STAG1: variants seen among roughly 807,000 people sequenced by gnomAD.
The protein encoded by STAG1 is cohesin subunit SA-1.
A neutral mutation model predicts 170.9 loss-of-function variants in STAG1; 26 were observed. That is an observed-to-expected ratio of 0.15 (90% CI 0.11 to 0.21). STAG1 has a LOEUF of 0.21. STAG1 is among the 10% of genes least tolerant of loss of function. The probability of loss-of-function intolerance (pLI) is 1.00; values close to 1 mark genes in which losing one functional copy is unlikely to be tolerated. For synonymous variants in STAG1, 514 were observed against 497.7 expected (o/e 1.03, Z -0.44); for missense variants, 964 against 1,509.5 (o/e 0.64, Z 5.99).
chr3:136,649,755 CA>C (rs754333040), intron 1 of STAG1, among the ~76,000 whole-genome samples: 114 of 130,836 alleles, frequency 8.7e-4, no homozygotes, highest in East Asian at 1.8e-3. Flanking sequence ...GTTTCCGTAG[CA>C]AAAAAAAAAA....
At chr3:136,564,419 T>C (rs763387880) in intron 5 of STAG1, among the ~76,000 whole-genome samples, 3 of 152,222 alleles carry the variant, frequency 2.0e-5, no homozygotes, top group Non-Finnish European at 4.4e-5. Flanking sequence ...GATTTTAAAC[T>C]TGTGCCAATC....
At chr3:136,543,599 C>T (rs994745424) in intron 5 of STAG1, among the ~76,000 whole-genome samples, 4 of 152,098 alleles carry the variant, frequency 2.6e-5, no homozygotes, top group African/African-American at 9.7e-5. Context: ...TAGAGTAAGA[C>T]ATAGTAGGGT....
At chr3:136,520,816 T>C (rs1934633134) in intron 7 of STAG1, among the ~76,000 whole-genome samples, 3 of 152,152 alleles carry the variant, frequency 2.0e-5, no homozygotes, top group Non-Finnish European at 1.5e-5. Context: ...AAACAAGTAT[T>C]TACCCACTTA....
chr3:136,706,106 G>T (rs1012756677), intron 1 of STAG1, among the ~76,000 whole-genome samples: 98 of 152,200 alleles, frequency 6.4e-4, no homozygotes, highest in Non-Finnish European at 1.1e-3. Context: ...CAGGAAACCA[G>T]CAATAAAAGG....
chr3:136,396,219 T>G (rs971324055), intron 22 of STAG1, among the ~76,000 whole-genome samples: 13 of 145,046 alleles, frequency 9.0e-5, no homozygotes, highest in African/African-American at 3.3e-4. Flanking sequence ...GTTTTTTTTT[T>G]TTTTTTTTTT....
chr3:136,611,016 C>A (rs1404828007), intron 3 of STAG1, among the ~76,000 whole-genome samples: 3 of 152,112 alleles, frequency 2.0e-5, no homozygotes, highest in Non-Finnish European at 2.9e-5. Flanking sequence ...GTGTGTCAGA[C>A]TTCCAGTTTT....
intron 4 of STAG1, among the ~76,000 whole-genome samples, chr3:136,581,361 T>A (rs1377543149): frequency 6.6e-6 from 1 of 152,202 alleles, no homozygotes; most frequent in African/African-American, 2.4e-5. Context: ...TACTCAATCA[T>A]TCAGCAAGTT....
rs534177925 is a variant in STAG1, at chr3:136,414,142, G to A, written c.2196+3743C>T. Among the ~76,000 whole-genome samples, 78 of 152,222 alleles carry A rather than the reference G, an allele frequency of 5.1e-4. 1 individual carries two copies. The highest frequency in any genetic ancestry group is 8.5e-4 in the Admixed American group (13 of 15,276). ...TAACAGGGTCGTTGTTGAAGGTTGG[G>A]GTGACTATGGCAATTTCTCAAGATG... On this transcript the variant is annotated intron_variant, in intron 21 of 33. Transcript: ENST00000383202.
At position 136,338,393 on chromosome 3, in the gene STAG1, C is replaced by T. The variant is rs758401374; in HGVS notation, c.3730G>A (p.Ala1244Thr). 1 of 1,613,546 alleles carries T rather than the reference C, an allele frequency of 6.2e-7. No homozygotes were observed. Among genetic ancestry groups the T allele is most frequent in the South Asian group, 1.1e-5 (1 of 91,070 alleles). Residue 1244 changes from alanine to threonine, a missense_variant, in exon 33 of 34, where the codon GCA becomes ACA. Around this residue, in one of 11 missense-constraint regions of STAG1, gnomAD observed 59 missense variants for 104.2 expected, o/e 0.57. Coordinates refer to ENST00000383202, the MANE Select transcript of STAG1 (RefSeq NM_005862.3). ...ACTGAATCATCTTCTATGATAGCTG[C>T]AGAGTCAAAGAAGTCTGGCCTTAGC... is the stretch of plus-strand genomic sequence containing the variant. ...AELRPDFFDS[A>T]AIIEDDSGFG...
At chr3:136,363,867 C>T (rs1355590667) in intron 25 of STAG1, among the ~76,000 whole-genome samples, 1 of 152,180 alleles carries the variant, frequency 6.6e-6, no homozygotes, top group African/African-American at 2.4e-5. Flanking sequence ...GATCCTCCCA[C>T]CTCAGCCTCC....
At chr3:136,732,658 A>G (rs1934108588) in intron 1 of STAG1, among the ~76,000 whole-genome samples, 1 of 151,990 alleles carries the variant, frequency 6.6e-6, no homozygotes, top group African/African-American at 2.4e-5. Flanking sequence ...CACCCAGGCT[A>G]GAGTGCAGCG....
At chr3:136,731,999 T>C (rs555412542) in intron 1 of STAG1, among the ~76,000 whole-genome samples, 1 of 152,184 alleles carries the variant, frequency 6.6e-6, no homozygotes, top group East Asian at 1.9e-4. Flanking sequence ...AAGACTTAAC[T>C]TCATGATTAT....
intron 7 of STAG1, among the ~76,000 whole-genome samples, chr3:136,509,616 A>T (rs1933947162): frequency 6.6e-6 from 1 of 152,188 alleles, no homozygotes; most frequent in Non-Finnish European, 1.5e-5. Context: ...GGACAAGAAG[A>T]GTGTGAAGAA....
chr3:136,625,559 TTTAAG>T (rs758697243), intron 2 of STAG1, among the ~76,000 whole-genome samples: 5 of 150,152 alleles, frequency 3.3e-5, no homozygotes, highest in East Asian at 1.9e-4. Context: ...ATACGTATGC[TTTAAG>T]TTATTATACA....
intron 3 of STAG1, among the ~76,000 whole-genome samples, chr3:136,608,739 G>C (rs1056970705): frequency 6.9e-6 from 1 of 145,040 alleles, no homozygotes; most frequent in South Asian, 2.2e-4. Flanking sequence ...GGGAGGTGGA[G>C]TCTGCAGTGA....
intron 1 of STAG1, among the ~76,000 whole-genome samples, chr3:136,655,241 T>TA (rs1941336629): frequency 6.6e-6 from 1 of 152,144 alleles, no homozygotes; most frequent in Non-Finnish European, 1.5e-5. Context: ...ATACATGTGA[T>TA]AAGAGATTAA....
intron 4 of STAG1, among the ~76,000 whole-genome samples, chr3:136,574,606 T>C (rs1937389704): frequency 6.6e-6 from 1 of 152,140 alleles, no homozygotes; most frequent in Non-Finnish European, 1.5e-5. Context: ...TATTTTATAA[T>C]AATAAAACAG....
intron 9 of STAG1, among the ~76,000 whole-genome samples, chr3:136,491,599 G>C (rs181074997): frequency 4.9e-4 from 75 of 152,256 alleles, no homozygotes; most frequent in Non-Finnish European, 3.2e-4. Context: ...CCAAATTCTA[G>C]ACTTAAGCAA....
chr3:136,506,379 C>T (rs946057465), intron 7 of STAG1, among the ~76,000 whole-genome samples: 1 of 151,574 alleles, frequency 6.6e-6, no homozygotes, highest in African/African-American at 2.4e-5. Context: ...GCCTGTAATC[C>T]CAGCACTTTG....
Sources: gnomAD v4.1 joint callset for allele counts (sites outside exome capture counted in the v4.1 genomes callset) on GRCh38, gnomAD v4.1.1 for gene constraint, gnomAD v4.1.1 regional missense constraint, MANE v1.5 for transcripts, NCBI Gene and HGNC (gene_info 2026-07-23, HGNC 2026-07-21) for gene names.